The following SLIT2 variants were observed in gnomAD, a reference collection of about 807,000 sequenced individuals.
SLIT2 encodes slit guidance ligand 2, also known as slit homolog 2 protein.
Under a neutral mutation model 185.7 loss-of-function variants are expected in SLIT2, and 41 were observed. The observed-to-expected ratio is 0.22, with a 90% CI of 0.17 to 0.29. The LOEUF is 0.29. Ranked by LOEUF, SLIT2 falls within the 10% of genes least tolerant of loss-of-function variation. The pLI is 1.00. For missense variants in SLIT2, 1,571 were observed against 1,909.0 expected (o/e 0.82, Z 3.30); for synonymous variants, 693 against 680.2 (o/e 1.02, Z -0.29).
At chr4:20,393,892 A>G (rs557079917) in intron 4 of SLIT2, among the ~76,000 whole-genome samples, 3 of 152,174 alleles carry the variant, frequency 2.0e-5, no homozygotes, top group Non-Finnish European at 4.4e-5. Flanking sequence ...TGTATTGGTG[A>G]TCACAGAGAC....
chr4:20,357,632 G>T (rs73801821), intron 4 of SLIT2, among the ~76,000 whole-genome samples: 55 of 152,138 alleles, frequency 3.6e-4, no homozygotes, highest in African/African-American at 1.3e-3. Flanking sequence ...TGTTACAAGT[G>T]CTTTGAAATT....
intron 4 of SLIT2, among the ~76,000 whole-genome samples, chr4:20,361,300 G>A (rs1425045958): frequency 2.6e-5 from 4 of 151,718 alleles, no homozygotes; most frequent in African/African-American, 4.8e-5. Flanking sequence ...GCTCTGCCTC[G>A]CATCCATCCA....
chr4:20,392,980 G>A (rs1196579461), intron 4 of SLIT2, among the ~76,000 whole-genome samples: 7 of 151,952 alleles, frequency 4.6e-5, no homozygotes, highest in Middle Eastern at 6.3e-3. Flanking sequence ...TACATACACC[G>A]TACTGTAAGT....
intron 4 of SLIT2, among the ~76,000 whole-genome samples, chr4:20,420,917 C>G (rs1191692576): frequency 6.6e-6 from 1 of 152,112 alleles, no homozygotes; most frequent in East Asian, 1.9e-4. Context: ...TTGCCAGAAA[C>G]AGATCATGCT....
At position 20,458,244 on chromosome 4, in the gene SLIT2, A is replaced by C. The variant is rs368209897; in HGVS notation, c.396-9508A>C. Among the ~76,000 whole-genome samples, 15 of 152,280 alleles carry C rather than the reference A, an allele frequency of 9.9e-5. No homozygotes were observed. The South Asian group carries it at 3.1e-3, about 32-fold the overall frequency. The stretch of plus-strand genomic sequence containing the variant: ...ATGTTATAAAATAGTGGACTTTCTT[A>C]TCCAGCTCTCTCCTTTGTCCAGAGA... On this transcript the variant is annotated intron_variant, in intron 4 of 36. Transcript: ENST00000504154.
chr4:20,486,641 G>C (rs956790661), intron 7 of SLIT2, among the ~76,000 whole-genome samples: 6 of 151,998 alleles, frequency 3.9e-5, no homozygotes, highest in Admixed American at 2.0e-4. Flanking sequence ...AGCTAAACTG[G>C]TTCTTCAACA....
At chr4:20,455,791 A>G (rs557003966) in intron 4 of SLIT2, among the ~76,000 whole-genome samples, 5 of 152,244 alleles carry the variant, frequency 3.3e-5, no homozygotes, top group Admixed American at 2.6e-4. Context: ...ACTTTTTGGT[A>G]TGTTAATTAT....
intron 9 of SLIT2, among the ~76,000 whole-genome samples, chr4:20,499,276 AT>A (rs551773821): frequency 3.8e-4 from 57 of 151,884 alleles, no homozygotes; most frequent in Non-Finnish European, 5.6e-4. Flanking sequence ...TAGATTCTGG[AT>A]ATTAGTTCTT....
chr4:20,326,774 A>G (rs1485128450), intron 4 of SLIT2, among the ~76,000 whole-genome samples: 1 of 112,672 alleles, frequency 8.9e-6, no homozygotes, highest in Non-Finnish European at 1.7e-5. Flanking sequence ...TTTTTTAAGT[A>G]CATGAATGAG....
chr4:20,525,963 G>A (rs951446575), intron 15 of SLIT2, among the ~76,000 whole-genome samples: 9 of 152,096 alleles, frequency 5.9e-5, no homozygotes, highest in Admixed American at 2.6e-4. Flanking sequence ...TTTAAAATAC[G>A]TTTCTTTACT....
intron 4 of SLIT2, among the ~76,000 whole-genome samples, chr4:20,454,088 G>T (rs1712778696): frequency 6.6e-6 from 1 of 152,096 alleles, no homozygotes. Context: ...TTTAGAAATA[G>T]CTTCCCTGTA....
intron 9 of SLIT2, among the ~76,000 whole-genome samples, chr4:20,493,366 A>T (rs1450309279): frequency 6.6e-6 from 1 of 152,240 alleles, no homozygotes; most frequent in Non-Finnish European, 1.5e-5. Context: ...AAATTTTCTC[A>T]TAAGGGAACT....
At chr4:20,498,494 A>G (rs631901) in intron 9 of SLIT2, among the ~76,000 whole-genome samples, 108,857 of 152,156 alleles carry the variant, frequency 0.72, 39,144 homozygotes, top group East Asian at 0.91. Flanking sequence ...GAGGTATACA[A>G]TTTTGAATGT....
intron 15 of SLIT2, among the ~76,000 whole-genome samples, chr4:20,525,379 C>T (rs1047344520): frequency 6.6e-6 from 1 of 151,828 alleles, no homozygotes; most frequent in African/African-American, 2.4e-5. Context: ...TATTAAACTC[C>T]ACCTTTTCTT....
intron 4 of SLIT2, among the ~76,000 whole-genome samples, chr4:20,308,379 A>G (rs568066585): frequency 1.3e-4 from 20 of 152,322 alleles, no homozygotes; most frequent in African/African-American, 4.6e-4. Flanking sequence ...ATCACATGAC[A>G]ACAGAGGTTT....
At chr4:20,327,567 T>A (rs1323642394) in intron 4 of SLIT2, among the ~76,000 whole-genome samples, 2 of 152,060 alleles carry the variant, frequency 1.3e-5, no homozygotes. Context: ...TTGTAATTAG[T>A]GGGTAAATTG....
At chr4:20,435,706 A>T (rs1412250498) in intron 4 of SLIT2, among the ~76,000 whole-genome samples, 1 of 152,190 alleles carries the variant, frequency 6.6e-6, no homozygotes, top group African/African-American at 2.4e-5. Flanking sequence ...TTTTTATTTG[A>T]AGAATAACAG....
In SLIT2 at chr4:20,567,337, A is replaced by G. The variant is rs1335765158; in HGVS notation, c.2801A>G (p.Asn934Ser). The change falls in exon 27 of 37, where the codon AAT (asparagine) becomes AGT (serine). Residue 934 changes from asparagine (N) to serine (S), a missense_variant. Around this residue, in one of 3 missense-constraint regions of SLIT2, gnomAD observed 1,202 missense variants for 1,416.4 expected, o/e 0.85. Transcript: ENST00000504154. Reference sequence around the variant, plus strand: ...CCGTGTAAAAATGATGGCACATGTAATAGTGATCCAGTTGACTTTTACCGA... The same window carrying G: ...CCGTGTAAAAATGATGGCACATGTAGTAGTGATCCAGTTGACTTTTACCGA... ...SNPCKNDGTC[N>S]SDPVDFYRCT... 4.3e-6 allele frequency: 7 copies of G among 1,613,118 alleles called. No individual in the cohort carries two copies.
chr4:20,481,022 T>C (rs1716646161), intron 6 of SLIT2, among the ~76,000 whole-genome samples: 1 of 152,096 alleles, frequency 6.6e-6, no homozygotes, highest in African/African-American at 2.4e-5. Context: ...GTTCTCCTTA[T>C]AAATGTTTTT....
Sources: gnomAD v4.1 joint callset for allele counts (sites outside exome capture counted in the v4.1 genomes callset) on GRCh38, gnomAD v4.1.1 for gene constraint, gnomAD v4.1.1 regional missense constraint, MANE v1.5 for transcripts, NCBI Gene and HGNC (gene_info 2026-07-23, HGNC 2026-07-21) for gene names.